Variants in FAT1 observed in about 807,000 individuals in gnomAD.
The protein encoded by FAT1 is FAT atypical cadherin 1, also known as protocadherin Fat 1.
Under a neutral mutation model 329.8 loss-of-function variants are expected in FAT1, and 171 were observed. The ratio of observed to expected loss-of-function variants is 0.52; its 90% CI spans 0.46 to 0.59. FAT1 has a LOEUF of 0.59. Ranked by LOEUF, FAT1 falls within the 20% of genes least tolerant of loss-of-function variation. The pLI, the probability that FAT1 is intolerant of heterozygous loss-of-function variation, is 0.00. For synonymous variants in FAT1, 2,233 were observed against 2,228.6 expected (o/e 1.00, Z -0.06); for missense variants, 5,672 against 5,774.4 (o/e 0.98, Z 0.57).
Position 186,588,129 on chromosome 4 carries a change from T to TAA in FAT1, c.*461_*462dup, listed in dbSNP as rs11339670. 1,327 of 203,966 alleles carry TAA rather than the reference T, an allele frequency of 6.5e-3. 23 individuals carry two copies. Among genetic ancestry groups the TAA allele is most frequent in the African/African-American group, 0.029 (1,227 of 42,668 alleles). 12.6% of individuals were successfully genotyped at this position (203,966 alleles called of 1,614,324 possible). ...AGACAGAATGAAACCCTGGTTATAGTAAAAAAAAAAAAATCAGGGTGCTAG... is the reference window on the plus strand; with the variant it reads ...AGACAGAATGAAACCCTGGTTATAGTAAAAAAAAAAAAAAATCAGGGTGCTAG... On this transcript the variant is annotated 3_prime_UTR_variant, in exon 27 of 27. Coordinates refer to ENST00000441802, the MANE Select transcript of FAT1 (RefSeq NM_005245.4).
Position 186,618,690 on chromosome 4 carries a change from G to C in FAT1, c.7896C>G (p.Thr2632=), listed in dbSNP as rs764238533. Residue 2632 remains threonine, a synonymous_variant, in exon 10 of 27, where the codon ACC becomes ACG. Coordinates refer to ENST00000441802, the MANE Select transcript of FAT1 (RefSeq NM_005245.4). ...DADEGSNADI[T]YAIEADSESV... is the part of the protein sequence containing the mutation. ...TTTCAGAGTCTGCTTCAATGGCATA[G>C]GTGATGTCGGCATTGGAGCCCTCAT... 1 of 1,614,032 alleles carries C rather than the reference G, an allele frequency of 6.2e-7. No homozygotes were observed. The highest frequency in any genetic ancestry group is 1.3e-5 in the African/African-American group (1 of 75,054).
rs557546344 is a variant in FAT1, at chr4:186,690,751, T to C, written c.3265+15812A>G. 2.6e-5 allele frequency among the ~76,000 whole-genome samples: 4 copies of C among 152,260 alleles called. No individual in the cohort carries two copies. The East Asian group carries it at 5.8e-4, about 22-fold the overall frequency. ...AAAGTCACAAATATCTTTAAGGCAG[T>C]TGAACTCTACATAAGTCTCTAAACT... On this transcript the variant is annotated intron_variant, in intron 2 of 26. Coordinates refer to ENST00000441802, the MANE Select transcript of FAT1 (RefSeq NM_005245.4).
intron 6 of FAT1, among the ~76,000 whole-genome samples, 183 bp downstream of exon 6, chr4:186,635,842 T>A (rs188532224): frequency 2.0e-5 from 3 of 152,226 alleles, no homozygotes; most frequent in African/African-American, 4.8e-5. Context: ...TAAGCAAGTT[T>A]AACATATGCT....
chr4:186,631,199 G>A (rs535928272), intron 7 of FAT1, among the ~76,000 whole-genome samples: 3 of 152,204 alleles, frequency 2.0e-5, no homozygotes, highest in Admixed American at 2.0e-4. Flanking sequence ...ATCCATCCCC[G>A]AGGTATCCTA....
chr4:186,612,089 G>A (rs1025053619), intron 13 of FAT1, among the ~76,000 whole-genome samples: 4 of 150,110 alleles, frequency 2.7e-5, no homozygotes, highest in Non-Finnish European at 3.0e-5. Context: ...GATCCCAGGC[G>A]TGAGCCACCG....
chr4:186,642,399 T>C (rs1223344209), intron 3 of FAT1, among the ~76,000 whole-genome samples: 3 of 152,238 alleles, frequency 2.0e-5, no homozygotes, highest in Non-Finnish European at 4.4e-5. Flanking sequence ...CTGTCTTTCT[T>C]GCATAGCTTG....
At chr4:186,643,009 A>G (rs1057262633) in intron 3 of FAT1, among the ~76,000 whole-genome samples, 1 of 152,252 alleles carries the variant, frequency 6.6e-6, no homozygotes, top group Non-Finnish European at 1.5e-5. Context: ...ATTGTCTCAC[A>G]TGTAACTGTA....
chr4:186,682,678 G>T (rs1743285846), intron 2 of FAT1, among the ~76,000 whole-genome samples: 1 of 152,218 alleles, frequency 6.6e-6, no homozygotes, highest in South Asian at 2.1e-4. Flanking sequence ...TTATTTCAAG[G>T]GTTTACATCC....
chr4:186,605,455 G>C (rs925249500), intron 17 of FAT1, among the ~76,000 whole-genome samples: 2 of 132,706 alleles, frequency 1.5e-5, no homozygotes, highest in African/African-American at 5.8e-5. Flanking sequence ...GTGGGGAAGA[G>C]GCAGAGTGGG....
intron 3 of FAT1, among the ~76,000 whole-genome samples, chr4:186,645,395 ATATATATATATATATATATATATATATGC>A (rs1560962391): frequency 9.3e-6 from 1 of 107,354 alleles, no homozygotes; most frequent in African/African-American, 3.7e-5. Context: ...ATATATATAT[ATATATATATATATATATATATATATATGC>A]CTGTAAAAAA....
Position 186,603,901 on chromosome 4 carries a change from G to C in FAT1, c.10625C>G (p.Pro3542Arg), listed in dbSNP as rs760820218. 6.2e-7 allele frequency: 1 copy of C among 1,613,798 alleles called. No homozygotes were observed. The highest frequency in any genetic ancestry group is 2.2e-5 in the East Asian group (1 of 44,880). ...DIRVIEESIY[P>R]PAILPLEIFI... is the part of the protein sequence containing the mutation. ...AATCTCCAGGGGCAAAATCGCAGGC[G>C]GATAGATGCTCTCCTCAATTACCCT... Residue 3542 changes from proline (P) to arginine (R), a missense_variant, in exon 19 of 27, where the codon CCG becomes CGG. Transcript: ENST00000441802.
rs2126469036 is a variant in FAT1 at position 186,611,635 on chromosome 4, C to G, written c.9604G>C (p.Val3202Leu). Residue 3202 changes from valine to leucine, a missense_variant, in exon 14 of 27, where the codon GTG (valine) becomes CTG (leucine). Physicochemically the swap from Val to Leu is conservative, Grantham distance 32. Coordinates refer to ENST00000441802, the MANE Select transcript of FAT1 (RefSeq NM_005245.4). ...QAVYTLSLKA[V>L]DQGLPRRLTA... ...AGCCTCCTTGGCAAGCCTTGATCCA[C>G]AGCTTTCAAAGAGAGGGTGTATACT... 1 of 1,613,390 alleles carries G rather than the reference C, an allele frequency of 6.2e-7. No homozygotes were observed. Among genetic ancestry groups the G allele is most frequent in the Non-Finnish European group, 8.5e-7 (1 of 1,179,654 alleles).
intron 26 of FAT1, among the ~76,000 whole-genome samples, chr4:186,594,043 A>G (rs1322641441): frequency 6.6e-6 from 1 of 151,930 alleles, no homozygotes; most frequent in African/African-American, 2.4e-5. Context: ...AACTAATTTG[A>G]CCATAACTTA....
chr4:186,633,861 A>G (rs1378627945), intron 6 of FAT1, 38 bp from the exon 7 acceptor site: 9 of 1,611,762 alleles, frequency 5.6e-6, no homozygotes, highest in Non-Finnish European at 7.6e-6. Flanking sequence ...AGGTCACAGG[A>G]TAACACTCTG....
chr4:186,679,383 C>G lies in FAT1; in HGVS notation c.3266-15770G>C, dbSNP rs200179485. Among the ~76,000 whole-genome samples, 17 of 141,592 alleles carry G rather than the reference C, an allele frequency of 1.2e-4. No individual in the cohort carries two copies. The East Asian group carries it at 2.7e-3, about 23-fold the overall frequency. 92.9% of individuals were successfully genotyped at this position (141,592 alleles called of 152,430 possible). On this transcript the variant is annotated intron_variant, in intron 2 of 26. Coordinates refer to ENST00000441802, the MANE Select transcript of FAT1 (RefSeq NM_005245.4). ...AGTGAGCTGAGATCGCACCACTGCA[C>G]TCCAGCCTGGGTGACAGAGTGAGAC...
chr4:186,700,990 C>A (rs948644603), intron 2 of FAT1, among the ~76,000 whole-genome samples: 1 of 152,212 alleles, frequency 6.6e-6, no homozygotes, highest in African/African-American at 2.4e-5. Context: ...AATTACATCA[C>A]AGCACGGTAA....
At chr4:186,612,168 A>C (rs1360993594) in intron 13 of FAT1, among the ~76,000 whole-genome samples, 1 of 151,476 alleles carries the variant, frequency 6.6e-6, no homozygotes, top group Non-Finnish European at 1.5e-5. Flanking sequence ...GTAAACGCTA[A>C]TATACATTAT....
At chr4:186,665,393 G>A (rs946198721) in intron 2 of FAT1, among the ~76,000 whole-genome samples, 3 of 152,132 alleles carry the variant, frequency 2.0e-5, no homozygotes, top group Admixed American at 1.3e-4. Flanking sequence ...CATTCTAACT[G>A]GTGTGAGATG....
chr4:186,694,104 C>T lies in FAT1; in HGVS notation c.3265+12459G>A, dbSNP rs921770115. ...ACCCATCCACCATCTTCCTATTTCT[C>T]ACAACACTCAACCTCTCCCAGACTC... is the stretch of plus-strand genomic sequence containing the variant. On this transcript the variant is annotated intron_variant, in intron 2 of 26. Transcript: ENST00000441802. Among the ~76,000 whole-genome samples, 78 of 152,146 alleles carry T rather than the reference C, an allele frequency of 5.1e-4. 1 individual carries two copies. The highest frequency in any genetic ancestry group is 8.8e-5 in the Non-Finnish European group (6 of 68,024).
Sources: allele counts gnomAD v4.1 joint callset (sites outside exome capture counted in the v4.1 genomes callset), GRCh38; gene constraint gnomAD v4.1.1; transcripts MANE v1.5; gene names NCBI Gene and HGNC (gene_info 2026-07-23, HGNC 2026-07-21).